Variants in FAT3 observed in about 807,000 individuals in gnomAD.
FAT3 encodes protocadherin Fat 3.
In FAT3, 95 loss-of-function variants were observed where a neutral mutation model predicts 310.2. That is an observed-to-expected ratio of 0.31 (90% confidence interval 0.26 to 0.36). The LOEUF is 0.36. Ranked by LOEUF, FAT3 falls within the 10% of genes least tolerant of loss-of-function variation. The pLI is 1.00. For missense variants in FAT3, 5,408 were observed against 5,715.6 expected (o/e 0.95, Z 1.74); for synonymous variants, 2,314 against 2,192.9 (o/e 1.06, Z -1.54).
chr11:92,504,775 G>A (rs1436075454), intron 2 of FAT3, among the ~76,000 whole-genome samples: 3 of 152,194 alleles, frequency 2.0e-5, no homozygotes, highest in Admixed American at 6.5e-5. Flanking sequence ...AGTGATATGT[G>A]TATCAGGTAC....
At chr11:92,456,153 C>T (rs531049869) in intron 2 of FAT3, among the ~76,000 whole-genome samples, 7 of 152,246 alleles carry the variant, frequency 4.6e-5, no homozygotes, top group African/African-American at 9.6e-5. Context: ...TTGACTACTT[C>T]GTTTCTTCCA....
chr11:92,619,889 G>T (rs993313758), intron 3 of FAT3, among the ~76,000 whole-genome samples: 7 of 151,252 alleles, frequency 4.6e-5, no homozygotes, highest in African/African-American at 2.4e-5. Context: ...GGTTTAATTT[G>T]CTCTTCCTTT....
Position 92,416,215 on chromosome 11 carries a change from G to C in FAT3, c.3292+60811G>C, listed in dbSNP as rs1278400599. 2.5e-4 allele frequency among the ~76,000 whole-genome samples: 15 copies of C among 61,044 alleles called. No homozygotes were observed. The South Asian group carries it at 8.5e-3, about 35-fold the overall frequency. The allele number at this position is 61,044 out of a possible 152,430, so 40.0% of individuals were successfully genotyped here. A position where few individuals can be genotyped will look rare whatever the true frequency, so the allele number is the denominator to read the frequency against. ...ATGGTGAAACCCCATCTCTACTAAAGATACAAAAAAAAAAAAAAAATAGCC... is the reference window on the plus strand; with the variant it reads ...ATGGTGAAACCCCATCTCTACTAAACATACAAAAAAAAAAAAAAAATAGCC... On this transcript the variant is annotated intron_variant, in intron 2 of 27. Coordinates refer to ENST00000525166, the MANE Select transcript of FAT3 (RefSeq NM_001367949.2).
At chr11:92,260,806 G>A (rs550914398) in intron 1 of FAT3, among the ~76,000 whole-genome samples, 2 of 152,182 alleles carry the variant, frequency 1.3e-5, no homozygotes, top group African/African-American at 4.8e-5. Context: ...AGTCAAAGTG[G>A]ACTTTAGAAC....
intron 4 of FAT3, among the ~76,000 whole-genome samples, chr11:92,729,880 T>A (rs1945124841): frequency 6.6e-6 from 1 of 152,208 alleles, no homozygotes; most frequent in African/African-American, 2.4e-5. Flanking sequence ...CTCTTGAGAC[T>A]ACAAGACTAC....
intron 1 of FAT3, among the ~76,000 whole-genome samples, chr11:92,307,169 C>T (rs1947163150): frequency 6.7e-6 from 1 of 149,130 alleles, no homozygotes; most frequent in Non-Finnish European, 1.5e-5. Context: ...CTTCAGGCCC[C>T]CACCCCCACC....
intron 4 of FAT3, among the ~76,000 whole-genome samples, chr11:92,740,105 TG>T (rs1458161870): frequency 6.6e-6 from 1 of 152,204 alleles, no homozygotes; most frequent in Non-Finnish European, 1.5e-5. Context: ...GAGTTAACTT[TG>T]ATCATGATAA....
intron 1 of FAT3, among the ~76,000 whole-genome samples, chr11:92,262,906 A>G (rs372447021): frequency 6.6e-6 from 1 of 152,048 alleles, no homozygotes; most frequent in African/African-American, 2.4e-5. Context: ...TCATAGAGGC[A>G]ATTACTGTCG....
At chr11:92,772,764 T>G (rs1438756127) in intron 6 of FAT3, among the ~76,000 whole-genome samples, 1 of 152,128 alleles carries the variant, frequency 6.6e-6, no homozygotes, top group African/African-American at 2.4e-5. Context: ...CAATAAGTAT[T>G]TGAAATATAT....
intron 2 of FAT3, among the ~76,000 whole-genome samples, chr11:92,460,234 A>G (rs1309462798): frequency 6.6e-6 from 1 of 151,190 alleles, no homozygotes; most frequent in Non-Finnish European, 1.5e-5. Context: ...AAGAGAAGGT[A>G]GATAATTAAG....
chr11:92,751,707 A>G (rs1311650151), intron 4 of FAT3, among the ~76,000 whole-genome samples: 1 of 152,156 alleles, frequency 6.6e-6, no homozygotes, highest in Non-Finnish European at 1.5e-5. Context: ...CTAGAAGCAC[A>G]TCGAAGTGCT....
At chr11:92,642,433 A>G (rs769790803) in intron 3 of FAT3, among the ~76,000 whole-genome samples, 21 of 152,192 alleles carry the variant, frequency 1.4e-4, no homozygotes, top group Non-Finnish European at 4.4e-5. Flanking sequence ...TGTCATCTCA[A>G]TTATTTTCTG....
intron 3 of FAT3, among the ~76,000 whole-genome samples, chr11:92,679,617 C>T (rs560396366): frequency 5.9e-5 from 9 of 151,696 alleles, no homozygotes; most frequent in South Asian, 4.2e-4. Context: ...CCGAGGTGGG[C>T]GGATCATGAG....
chr11:92,816,890 C>T (rs992254150), intron 13 of FAT3, among the ~76,000 whole-genome samples: 5 of 152,082 alleles, frequency 3.3e-5, no homozygotes, highest in African/African-American at 4.8e-5. Context: ...GCAGGAGAAT[C>T]ACTTGAGCCA....
chr11:92,831,533 C>T, intron 13 of FAT3, 89 bp from the exon 14 acceptor site: 3 of 1,097,746 alleles, frequency 2.7e-6, no homozygotes, highest in Non-Finnish European at 2.5e-6. Context: ...CTTGTTGTGG[C>T]CCTTCAAAAG....
chr11:92,793,358 ATCTTAACAAG>A (rs1482293276), intron 9 of FAT3, among the ~76,000 whole-genome samples: 1 of 152,180 alleles, frequency 6.6e-6, no homozygotes, highest in Non-Finnish European at 1.5e-5. Context: ...TGTGAATTGA[ATCTTAACAAG>A]TCTTTGTTTA....
intron 1 of FAT3, among the ~76,000 whole-genome samples, chr11:92,340,795 T>C (rs527968556): frequency 6.7e-4 from 102 of 152,256 alleles, no homozygotes; most frequent in African/African-American, 2.3e-3. Flanking sequence ...CCAGGCAATG[T>C]GGGCTTATAT....
chr11:92,806,578 T>TA (rs1947513331), intron 12 of FAT3, 63 bp downstream of exon 12: 2 of 1,399,680 alleles, frequency 1.4e-6, no homozygotes, highest in East Asian at 5.0e-5. Flanking sequence ...GTTAAACTTA[T>TA]GTGGTCTCAT....
chr11:92,840,770 G>T lies in FAT3; in HGVS notation c.10566+11G>T. On this transcript the variant is annotated intron_variant, in intron 18 of 27. Transcript: ENST00000525166. ...GTGTTGTGTGTCCAGGTATGGCATC[G>T]CACTCTGTCTCCGTCGTGCTGTCTT... is the stretch of plus-strand genomic sequence containing the variant. 6.5e-7 allele frequency: 1 copy of T among 1,545,136 alleles called. No homozygotes were observed. Among genetic ancestry groups the T allele is most frequent in the Non-Finnish European group, 8.8e-7 (1 of 1,132,940 alleles).
Sources: gnomAD v4.1 joint callset for allele counts (sites outside exome capture counted in the v4.1 genomes callset) on GRCh38, gnomAD v4.1.1 for gene constraint, MANE v1.5 for transcripts, NCBI Gene and HGNC (gene_info 2026-07-23, HGNC 2026-07-21) for gene names.